Variants in ATP13A3 observed in about 807,000 individuals in gnomAD.
ATP13A3 encodes polyamine-transporting ATPase 13A3.
ATP13A3 carries 59 observed loss-of-function variants against 158.1 expected under a neutral mutation model. That is an observed-to-expected ratio of 0.37 (90% CI 0.30 to 0.46). The LOEUF (loss-of-function observed/expected upper bound fraction) is 0.46, where lower values mean the gene tolerates loss of function less well. Among genes scored for constraint, ATP13A3 ranks in the 20% least tolerant of loss-of-function variants. ATP13A3 has a pLI of 1.00. For missense variants in ATP13A3, 1,166 were observed against 1,525.2 expected (o/e 0.76, Z 3.92); for synonymous variants, 491 against 504.3 (o/e 0.97, Z 0.35).
At chr3:194,424,169 CAT>C (rs1716591778) in intron 30 of ATP13A3, among the ~76,000 whole-genome samples, 1 of 151,532 alleles carries the variant, frequency 6.6e-6, no homozygotes, top group Non-Finnish European at 1.5e-5. Flanking sequence ...TTCTTAGTAA[CAT>C]AGTTATTAGT....
chr3:194,411,357 C>T (rs1715413985), intron 33 of ATP13A3, among the ~76,000 whole-genome samples: 1 of 152,164 alleles, frequency 6.6e-6, no homozygotes, highest in African/African-American at 2.4e-5. Context: ...CTGTAAAGCA[C>T]ATCACCCATC....
chr3:194,449,609 G>C (rs933384305), intron 11 of ATP13A3, among the ~76,000 whole-genome samples: 1 of 151,874 alleles, frequency 6.6e-6, no homozygotes, highest in Admixed American at 6.6e-5. Flanking sequence ...ACCTGGGAGC[G>C]GAGGCTGCAG....
chr3:194,414,047 A>G (rs572347840), intron 31 of ATP13A3, among the ~76,000 whole-genome samples: 35 of 152,318 alleles, frequency 2.3e-4, no homozygotes, highest in Non-Finnish European at 4.0e-4. Context: ...TCAAGGTTAA[A>G]GAAAATATTA....
Position 194,405,734 on chromosome 3 carries a change from T to G in ATP13A3, c.*185A>C. 2 of 611,996 alleles carry G rather than the reference T, an allele frequency of 3.3e-6. No homozygotes were observed. Among genetic ancestry groups the G allele is most frequent in the Non-Finnish European group, 5.6e-6 (2 of 357,702 alleles). The allele number at this position is 611,996 out of a possible 1,614,324, so 37.9% of individuals were successfully genotyped here. On this transcript the variant is annotated 3_prime_UTR_variant, in exon 34 of 34. Transcript: ENST00000645319. ...AGGACTTTATGGATTGATTGTTAAT[T>G]TAACTGTTAGGACGATATATTTTTC...
At chr3:194,446,836 A>G in intron 14 of ATP13A3, 91 bp downstream of exon 14, 3 of 1,272,976 alleles carry the variant, frequency 2.4e-6, no homozygotes, top group Non-Finnish European at 3.2e-6. Flanking sequence ...GAATGTGTCC[A>G]AATTTGTTGA....
intron 2 of ATP13A3, among the ~76,000 whole-genome samples, chr3:194,471,324 T>TAAAAAAAAA (rs59967046): frequency 9.1e-5 from 8 of 88,070 alleles, no homozygotes; most frequent in East Asian, 8.0e-4. Context: ...CAGCAAATTC[T>TAAAAAAAAA]AAAAAAAAAA....
chr3:194,417,166 A>G (rs2108751899), intron 31 of ATP13A3, among the ~76,000 whole-genome samples: 1 of 152,236 alleles, frequency 6.6e-6, no homozygotes, highest in East Asian at 1.9e-4. Context: ...AGAAAAGCTT[A>G]GCTGGGCACA....
chr3:194,460,074 T>G, intron 4 of ATP13A3, 103 bp from the exon 5 acceptor site: 2 of 946,894 alleles, frequency 2.1e-6, no homozygotes, highest in Non-Finnish European at 3.1e-6. Context: ...TCCTCATCTC[T>G]AATTGAGGAA....
At chr3:194,457,027 G>A in intron 7 of ATP13A3, 67 bp downstream of exon 7, 3 of 1,138,590 alleles carry the variant, frequency 2.6e-6, no homozygotes, top group Admixed American at 1.9e-5. Context: ...ATGGTAAAGG[G>A]TTGATTATGT....
At chr3:194,415,286 T>C (rs910087126) in intron 31 of ATP13A3, among the ~76,000 whole-genome samples, 1 of 152,194 alleles carries the variant, frequency 6.6e-6, no homozygotes, top group Non-Finnish European at 1.5e-5. Flanking sequence ...CTGAGGGCCG[T>C]TTCAGTAGAT....
intron 33 of ATP13A3, among the ~76,000 whole-genome samples, chr3:194,409,677 A>C (rs1715204511): frequency 6.9e-6 from 1 of 145,034 alleles, no homozygotes; most frequent in South Asian, 2.3e-4. Context: ...TTGCTTGATA[A>C]TCACTGACGT....
intron 3 of ATP13A3, among the ~76,000 whole-genome samples, chr3:194,461,674 A>T (rs1205661328): frequency 2.0e-5 from 3 of 152,148 alleles, no homozygotes; most frequent in Non-Finnish European, 4.4e-5. Flanking sequence ...TTTATACTAA[A>T]AATTTCTCCC....
chr3:194,446,839 TTTG>T, intron 14 of ATP13A3, 85 bp downstream of exon 14: 1 of 1,287,776 alleles, frequency 7.8e-7, no homozygotes, highest in Non-Finnish European at 1.1e-6. Flanking sequence ...TGTGTCCAAA[TTTG>T]TTGACAAAGA....
chr3:194,428,514 A>G (rs578035680), intron 28 of ATP13A3, among the ~76,000 whole-genome samples: 54 of 152,308 alleles, frequency 3.5e-4, no homozygotes, highest in African/African-American at 1.2e-3. Context: ...ACCAGATATT[A>G]TATCAATGTT....
At chr3:194,477,737 C>T (rs921057915) in intron 2 of ATP13A3, among the ~76,000 whole-genome samples, 1 of 152,164 alleles carries the variant, frequency 6.6e-6, no homozygotes, top group Middle Eastern at 3.2e-3. Context: ...GAAAGACTGG[C>T]CCAGAAGCAT....
In ATP13A3 at chr3:194,447,976, G is replaced by A; in HGVS notation, c.1184C>T (p.Ser395Phe). 1 of 1,609,582 alleles carries A rather than the reference G, an allele frequency of 6.2e-7. No homozygotes were observed. The highest frequency in any genetic ancestry group is 2.2e-5 in the East Asian group (1 of 44,824). Residue 395 changes from serine (S) to phenylalanine (F), a missense_variant, in exon 13 of 34, where the codon TCC becomes TTC. Ser to Phe is a radical substitution (Grantham distance 155, BLOSUM62 -2). This residue lies in a region of ATP13A3 where 997 missense variants were observed against 1,341.2 expected (regional missense o/e 0.74). Transcript: ENST00000645319. ...ATCAGTTGGTTTGGGATACAATATG[G>A]AACGAACAAGCTGTCCTTTGGAAGT... is the stretch of plus-strand genomic sequence containing the variant. The part of the protein sequence containing the change: ...FSTSKGQLVR[S>F]ILYPKPTDFK...
At position 194,462,279 on chromosome 3, in the gene ATP13A3, T is replaced by C; in HGVS notation, c.-46-43A>G. ...ACAGACGTTAGGGAACTATCTTCTA[T>C]CTTAGTAGACGATACAACTGCATTC... On this transcript the variant is annotated intron_variant, in intron 2 of 33. Transcript: ENST00000645319. 16 of 1,282,068 alleles carry C rather than the reference T, an allele frequency of 1.2e-5. No homozygotes were observed. The South Asian group carries it at 2.0e-4, about 16-fold the overall frequency. The allele number at this position is 1,282,068 out of a possible 1,614,324, so 79.4% of individuals were successfully genotyped here. A position where few individuals can be genotyped will look rare whatever the true frequency, so the allele number is the denominator to read the frequency against.
At chr3:194,436,062 T>C (rs1464185655) in intron 20 of ATP13A3, among the ~76,000 whole-genome samples, 1 of 152,198 alleles carries the variant, frequency 6.6e-6, no homozygotes, top group Non-Finnish European at 1.5e-5. Flanking sequence ...TAGGATATAA[T>C]ATTATACCCA....
At position 194,447,046 on chromosome 3, in the gene ATP13A3, C is replaced by G. The variant is rs987123756; in HGVS notation, c.1378G>C (p.Ala460Pro). The G allele has an allele frequency of 6.2e-7, 1 of 1,613,328 alleles. No homozygotes were observed. Among genetic ancestry groups the G allele is most frequent in the African/African-American group, 1.3e-5 (1 of 74,878 alleles). The change falls in exon 14 of 34, where the codon GCT becomes CCT. Residue 460 changes from alanine to proline, a missense_variant. Physicochemically the swap from Ala to Pro is conservative, Grantham distance 27. Transcript: ENST00000645319. ...ITITVPPALP[A>P]AMTAGIVYAQ... is the part of the protein sequence containing the mutation. The stretch of plus-strand genomic sequence containing the variant: ...TACACAATACCAGCAGTCATTGCAG[C>G]AGGAAGTGCAGGGGGCACAGTAATT...
Sources: allele counts gnomAD v4.1 joint callset (sites outside exome capture counted in the v4.1 genomes callset), GRCh38; gene constraint gnomAD v4.1.1; regional missense constraint gnomAD v4.1.1; transcripts MANE v1.5; gene names NCBI Gene and HGNC (gene_info 2026-07-23, HGNC 2026-07-21).